Variants in GPM6A observed in about 807,000 individuals in gnomAD.
The protein encoded by GPM6A is glycoprotein M6A, also known as neuronal membrane glycoprotein M6-a.
In GPM6A, 7 loss-of-function variants were observed where a neutral mutation model predicts 32.1. That is an observed-to-expected ratio of 0.22 (90% confidence interval 0.12 to 0.41). GPM6A has a LOEUF of 0.41. Among genes scored for constraint, GPM6A ranks in the 10% least tolerant of loss-of-function variants. The pLI, the probability that GPM6A is intolerant of heterozygous loss-of-function variation, is 1.00. For synonymous variants in GPM6A, 130 were observed against 123.4 expected, an observed-to-expected ratio of 1.05 and a Z score of -0.35; for missense variants, 235 against 347.2, an observed-to-expected ratio of 0.68 and a Z score of 2.57.
At chr4:175,674,912 G>GA (rs1188964934) in intron 2 of GPM6A, among the ~76,000 whole-genome samples, 2 of 148,976 alleles carry the variant, frequency 1.3e-5, no homozygotes, top group Admixed American at 6.7e-5. Flanking sequence ...TTTTTTAAAA[G>GA]AAAAAAACAC....
chr4:175,832,435 A>G (rs1735644250), intron 1 of GPM6A, among the ~76,000 whole-genome samples: 1 of 152,164 alleles, frequency 6.6e-6, no homozygotes, highest in African/African-American at 2.4e-5. Flanking sequence ...ACAATATGTT[A>G]TATTTATTTA....
rs150890325 is a variant in GPM6A, at chr4:175,680,419, C to G, written c.231-6583G>C. On this transcript the variant is annotated intron_variant, in intron 2 of 6. Transcript: ENST00000393658. ...ATTCACCTCATTACAAAAATCATAT[C>G]TATCTAGAAAGAGTTCTTGTGGTTT... Among the ~76,000 whole-genome samples, 749 of 152,254 alleles carry G rather than the reference C, an allele frequency of 4.9e-3. 8 individuals carry two copies. The highest frequency in any genetic ancestry group is 0.017 in the African/African-American group (721 of 41,546).
intron 1 of GPM6A, among the ~76,000 whole-genome samples, chr4:175,741,366 T>C (rs1032078340): frequency 2.6e-5 from 4 of 152,068 alleles, no homozygotes; most frequent in African/African-American, 7.2e-5. Context: ...ATCTTCTGCA[T>C]TTATTATAGC....
intron 1 of GPM6A, among the ~76,000 whole-genome samples, chr4:175,785,552 A>C (rs1446338648): frequency 2.0e-5 from 3 of 152,164 alleles, no homozygotes; most frequent in Admixed American, 6.5e-5. Context: ...TCTCCTCTAA[A>C]TCACCCTTAA....
chr4:175,903,602 C>T (rs181792643), intron 1 of GPM6A, among the ~76,000 whole-genome samples: 28 of 152,266 alleles, frequency 1.8e-4, no homozygotes, highest in Non-Finnish European at 3.4e-4. Context: ...TGATGTGATG[C>T]ACTGGGAATA....
intron 1 of GPM6A, among the ~76,000 whole-genome samples, chr4:175,834,574 C>A (rs1328017212): frequency 6.6e-6 from 1 of 152,082 alleles, no homozygotes; most frequent in Non-Finnish European, 1.5e-5. Context: ...CACTATATTT[C>A]TAATCCTGCA....
At chr4:175,899,384 T>C (rs1015704066) in intron 1 of GPM6A, among the ~76,000 whole-genome samples, 1 of 152,120 alleles carries the variant, frequency 6.6e-6, no homozygotes, top group African/African-American at 2.4e-5. Flanking sequence ...ACATGATAAA[T>C]GCTAAGCATC....
intron 1 of GPM6A, among the ~76,000 whole-genome samples, chr4:175,879,127 T>C (rs1258233318): frequency 6.6e-6 from 1 of 152,206 alleles, no homozygotes; most frequent in African/African-American, 2.4e-5. Flanking sequence ...CCCCTCAGTC[T>C]GAATTTCATT....
chr4:175,950,727 G>T (rs1381987811), intron 1 of GPM6A, among the ~76,000 whole-genome samples: 1 of 152,088 alleles, frequency 6.6e-6, no homozygotes, highest in Non-Finnish European at 1.5e-5. Context: ...TTAGAGAAAT[G>T]TATTATTTTC....
At chr4:175,722,890 A>AC (rs1336700832) in intron 1 of GPM6A, among the ~76,000 whole-genome samples, 1 of 151,244 alleles carries the variant, frequency 6.6e-6, no homozygotes, top group African/African-American at 2.4e-5. Flanking sequence ...AAGAAATTAA[A>AC]AAAAAAAAAT....
intron 3 of GPM6A, among the ~76,000 whole-genome samples, chr4:175,671,997 AG>A (rs71595487): frequency 4.0e-5 from 6 of 149,376 alleles, no homozygotes; most frequent in African/African-American, 9.7e-5. Flanking sequence ...AAAAAAAAAA[AG>A]AAAGAAAGAA....
chr4:175,952,833 C>T (rs1437987486), intron 1 of GPM6A, among the ~76,000 whole-genome samples: 3 of 151,874 alleles, frequency 2.0e-5, no homozygotes, highest in Non-Finnish European at 2.9e-5. Context: ...ATCCCTTGAG[C>T]CCCACAGTTC....
intron 1 of GPM6A, among the ~76,000 whole-genome samples, chr4:175,981,544 A>G (rs1221409233): frequency 4.6e-5 from 7 of 152,104 alleles, no homozygotes; most frequent in Admixed American, 6.6e-5. Context: ...AGATTCATCC[A>G]TGTCCTATGT....
At chr4:175,797,877 T>C (rs755288448) in intron 1 of GPM6A, among the ~76,000 whole-genome samples, 5 of 152,170 alleles carry the variant, frequency 3.3e-5, no homozygotes, top group Admixed American at 6.5e-5. Flanking sequence ...GATATATAAA[T>C]TATGAATCAC....
At chr4:175,716,699 T>A (rs995454060) in intron 1 of GPM6A, among the ~76,000 whole-genome samples, 1 of 152,126 alleles carries the variant, frequency 6.6e-6, no homozygotes, top group Non-Finnish European at 1.5e-5. Context: ...TTCAGAACTA[T>A]TAAATTCCAA....
intron 1 of GPM6A, among the ~76,000 whole-genome samples, chr4:175,997,412 AGT>A (rs1167932861): frequency 6.6e-6 from 1 of 152,168 alleles, no homozygotes; most frequent in Non-Finnish European, 1.5e-5. Context: ...GCATCATAAA[AGT>A]GTTCTTGATT....
chr4:175,839,546 T>C (rs1322508456), intron 1 of GPM6A, among the ~76,000 whole-genome samples: 2 of 152,174 alleles, frequency 1.3e-5, no homozygotes, highest in East Asian at 1.9e-4. Context: ...ATTTATATTA[T>C]TTGATAATGA....
At chr4:175,898,480 C>T (rs1737860302) in intron 1 of GPM6A, among the ~76,000 whole-genome samples, 1 of 152,076 alleles carries the variant, frequency 6.6e-6, no homozygotes, top group Admixed American at 6.6e-5. Context: ...GGTTGATACC[C>T]ATGTAGATTC....
intron 1 of GPM6A, among the ~76,000 whole-genome samples, chr4:175,968,247 G>A (rs113803495): frequency 1.3e-5 from 2 of 151,904 alleles, no homozygotes; most frequent in African/African-American, 4.8e-5. Flanking sequence ...TACAGAAGGA[G>A]TTATTATAGC....
Sources: gnomAD v4.1 joint callset for allele counts (sites outside exome capture counted in the v4.1 genomes callset) on GRCh38, gnomAD v4.1.1 for gene constraint, MANE v1.5 for transcripts, NCBI Gene and HGNC (gene_info 2026-07-23, HGNC 2026-07-21) for gene names.